Variants in STX7 observed in about 807,000 individuals in gnomAD.
The protein encoded by STX7 is syntaxin 7.
Under a neutral mutation model 39.6 loss-of-function variants are expected in STX7, and 34 were observed. The observed-to-expected ratio is 0.86, with a 90% CI of 0.65 to 1.14. The LOEUF (loss-of-function observed/expected upper bound fraction) is 1.14, where lower values mean the gene tolerates loss of function less well. STX7 is among the 50% of genes most tolerant of loss of function. The pLI is 0.00. For synonymous variants in STX7, 119 were observed against 99.1 expected, an observed-to-expected ratio of 1.20 and a Z score of -1.19; for missense variants, 284 against 310.4, an observed-to-expected ratio of 0.92 and a Z score of 0.64.
intron 8 of STX7, among the ~76,000 whole-genome samples, chr6:132,465,070 T>G (rs889164037): frequency 3.3e-5 from 5 of 152,142 alleles, no homozygotes; most frequent in Non-Finnish European, 5.9e-5. Context: ...TCACTGATGC[T>G]CTCTCCAACA....
chr6:132,483,701 T>C (rs966966505), intron 2 of STX7, among the ~76,000 whole-genome samples: 1 of 152,230 alleles, frequency 6.6e-6, no homozygotes, highest in Admixed American at 6.5e-5. Context: ...TCCTAAGTTC[T>C]TCCCCTTCTA....
chr6:132,450,762 T>A lies in STX7; in HGVS notation c.*9996A>T, dbSNP rs1774120812. The A allele has an allele frequency of 6.6e-6, 1 of 151,908 alleles. No homozygotes were observed. The highest frequency in any genetic ancestry group is 2.1e-4 in the South Asian group (1 of 4,824). 9.4% of individuals were successfully genotyped at this position (151,908 alleles called of 1,614,324 possible). On this transcript the variant is annotated 3_prime_UTR_variant, in exon 10 of 10. Transcript: ENST00000367941. ...CAGAAGAAAACAGGCAGAACAAAGATGAACAGAACCTCAGGGACTTACGGA... is the reference window on the plus strand; with the variant it reads ...CAGAAGAAAACAGGCAGAACAAAGAAGAACAGAACCTCAGGGACTTACGGA...
intron 2 of STX7, among the ~76,000 whole-genome samples, chr6:132,490,770 A>G (rs2114440003): frequency 6.6e-6 from 1 of 152,250 alleles, no homozygotes; most frequent in East Asian, 1.9e-4. Flanking sequence ...TGGGAAAAGG[A>G]GACACGGAAC....
chr6:132,475,604 C>T lies in STX7; in HGVS notation c.144G>A (p.Leu48=). 2 of 1,605,590 alleles carry T rather than the reference C, an allele frequency of 1.2e-6. No homozygotes were observed. The highest frequency in any genetic ancestry group is 1.7e-6 in the Non-Finnish European group (2 of 1,175,984). The change falls in exon 3 of 10, where the codon TTG becomes TTA. Residue 48 remains leucine (L), a synonymous_variant. Transcript: ENST00000367941. ...AACTAGATACTTACAACTGTTGCCT[C>T]AATTCAGGTGAATCTTGAGGTGTTC... ...QLGTPQDSPE[L]RQQLQQKQQY... is the part of the protein sequence containing the mutation.
intron 1 of STX7, among the ~76,000 whole-genome samples, chr6:132,509,770 A>AT (rs1182310480): frequency 6.6e-6 from 1 of 152,168 alleles, no homozygotes; most frequent in East Asian, 1.9e-4. Context: ...GTCTTTAAAA[A>AT]ATATATATAC....
At chr6:132,512,494 C>T (rs981827877) in intron 1 of STX7, among the ~76,000 whole-genome samples, 2 of 152,144 alleles carry the variant, frequency 1.3e-5, no homozygotes, top group African/African-American at 4.8e-5. Flanking sequence ...ATTAAAAAAA[C>T]AATACTACGA....
intron 1 of STX7, among the ~76,000 whole-genome samples, chr6:132,505,657 G>A (rs1227145185): frequency 6.9e-6 from 1 of 144,068 alleles, no homozygotes; most frequent in South Asian, 2.3e-4. Context: ...CAGAACAAGA[G>A]TAGACATGGG....
In STX7 at chr6:132,446,463, C is replaced by A. The variant is rs148953163; in HGVS notation, c.*14295G>T. ...GGGAAAACAAAAGTCTTCCTAGATA[C>A]AAGAATGAGGTTTTAAGAGATAATC... On this transcript the variant is annotated 3_prime_UTR_variant, in exon 10 of 10. Coordinates refer to ENST00000367941, the MANE Select transcript of STX7 (RefSeq NM_003569.3). The A allele has an allele frequency of 1.3e-5, 2 of 152,230 alleles. No homozygotes were observed. Among genetic ancestry groups the A allele is most frequent in the East Asian group, 3.9e-4 (2 of 5,182 alleles). 9.4% of individuals were successfully genotyped at this position (152,230 alleles called of 1,614,324 possible).
chr6:132,482,977 G>GAA (rs893594625), intron 2 of STX7, among the ~76,000 whole-genome samples: 2 of 140,018 alleles, frequency 1.4e-5, no homozygotes, highest in Admixed American at 1.4e-4. Flanking sequence ...TAACAAAAAA[G>GAA]AAAAAAAAAA....
At position 132,449,747 on chromosome 6, in the gene STX7, ATC is replaced by A. The variant is rs1774099210; in HGVS notation, c.*11009_*11010del. On this transcript the variant is annotated 3_prime_UTR_variant, in exon 10 of 10. Coordinates refer to ENST00000367941, the MANE Select transcript of STX7 (RefSeq NM_003569.3). Reference sequence around the variant, plus strand: ...CTTTTTAATATCTGCCTTTTAACACATCTCTCATTTCATGTTCGTTTTAATTC... The same window carrying A: ...CTTTTTAATATCTGCCTTTTAACACATCTCATTTCATGTTCGTTTTAATTC... 6.6e-6 allele frequency: 1 copy of A among 152,158 alleles called. No homozygotes were observed. Among genetic ancestry groups the A allele is most frequent in the Non-Finnish European group, 1.5e-5 (1 of 68,026 alleles). The allele number at this position is 152,158 out of a possible 1,614,324, so 9.4% of individuals were successfully genotyped here.
Position 132,497,924 on chromosome 6 carries a change from G to A in STX7, c.85+5522C>T, listed in dbSNP as rs542373096. 2.8e-4 allele frequency among the ~76,000 whole-genome samples: 42 copies of A among 152,260 alleles called. No homozygotes were observed. In the East Asian group the frequency reaches 7.7e-3, roughly 28 times the overall value. On this transcript the variant is annotated intron_variant, in intron 2 of 9. Transcript: ENST00000367941. ...AACTAAATCTAAGCCTTTCTAAGAG[G>A]CATGGTGATCTTCTAGACCTGTGAT...
chr6:132,502,766 G>A (rs1057515158), intron 2 of STX7, among the ~76,000 whole-genome samples: 1 of 152,166 alleles, frequency 6.6e-6, no homozygotes, highest in African/African-American at 2.4e-5. Flanking sequence ...GGGCGTGGTG[G>A]CGGGCGCCTG....
At position 132,457,768 on chromosome 6, in the gene STX7, T is replaced by G. The variant is rs1004112331; in HGVS notation, c.*2990A>C. 15 of 152,136 alleles carry G rather than the reference T, an allele frequency of 9.9e-5. No individual in the cohort carries two copies. Among genetic ancestry groups the G allele is most frequent in the Non-Finnish European group, 2.2e-4 (15 of 68,026 alleles). 9.4% of individuals were successfully genotyped at this position (152,136 alleles called of 1,614,324 possible). On this transcript the variant is annotated 3_prime_UTR_variant, in exon 10 of 10. Transcript: ENST00000367941. Reference sequence around the variant, plus strand: ...GAAAATGTCATTCAACTCAAATCCCTCAATCAACTTACTTCAGCCCATTCT... The same window carrying G: ...GAAAATGTCATTCAACTCAAATCCCGCAATCAACTTACTTCAGCCCATTCT...
chr6:132,509,476 ACATAACATAACATAACATAAC>A (rs1562343580), intron 1 of STX7, among the ~76,000 whole-genome samples: 1 of 86,312 alleles, frequency 1.2e-5, no homozygotes, highest in African/African-American at 3.9e-5. Flanking sequence ...ACATAACATA[ACATAACATAACATAACATAAC>A]ATAACATAAC....
chr6:132,513,437 G>A (rs560390425), upstream of STX7, among the ~76,000 whole-genome samples: 2 of 152,316 alleles, frequency 1.3e-5, no homozygotes, highest in African/African-American at 4.8e-5. Flanking sequence ...AGTAGATCGC[G>A]TTGACAGCTC....
chr6:132,470,844 A>G (rs1185597990), intron 5 of STX7, among the ~76,000 whole-genome samples: 1 of 152,170 alleles, frequency 6.6e-6, no homozygotes, highest in Admixed American at 6.5e-5. Flanking sequence ...GTAATTTTAT[A>G]TTCTAAGTAG....
intron 2 of STX7, among the ~76,000 whole-genome samples, chr6:132,491,698 A>G (rs1333751534): frequency 6.6e-6 from 1 of 152,008 alleles, no homozygotes; most frequent in Non-Finnish European, 1.5e-5. Context: ...CCTCAGCCAC[A>G]CACTCCAAGA....
At chr6:132,492,881 A>G (rs1037187255) in intron 2 of STX7, among the ~76,000 whole-genome samples, 24 of 152,244 alleles carry the variant, frequency 1.6e-4, no homozygotes, top group Admixed American at 5.2e-4. Context: ...GAAATACCAT[A>G]CAACTAAAAT....
chr6:132,493,275 C>G (rs138499755), intron 2 of STX7, among the ~76,000 whole-genome samples: 54 of 152,170 alleles, frequency 3.5e-4, no homozygotes, highest in African/African-American at 1.3e-3. Context: ...AATAGGCACA[C>G]CAATTAACAA....
Sources: allele counts gnomAD v4.1 joint callset (sites outside exome capture counted in the v4.1 genomes callset), GRCh38; gene constraint gnomAD v4.1.1; transcripts MANE v1.5; gene names NCBI Gene and HGNC (gene_info 2026-07-23, HGNC 2026-07-21).